The following GALNT6 variants were observed in gnomAD, a reference collection of about 807,000 sequenced individuals.
GALNT6 encodes GalNAc transferase 6.
A neutral mutation model predicts 65.9 loss-of-function variants in GALNT6; 51 were observed. The observed-to-expected ratio is 0.77, with a 90% CI of 0.62 to 0.98. The LOEUF is 0.98. GALNT6 is among the 50% of genes least tolerant of loss of function. The pLI is 0.00. For synonymous variants in GALNT6, 323 were observed against 315.1 expected, an observed-to-expected ratio of 1.02 and a Z score of -0.26; for missense variants, 708 against 803.3, an observed-to-expected ratio of 0.88 and a Z score of 1.43.
At position 51,357,441 on chromosome 12, in the gene GALNT6, G is replaced by A; in HGVS notation, c.1510C>T (p.Leu504Phe). Residue 504 changes from leucine (L) to phenylalanine (F), a missense_variant, in exon 10 of 12, where the codon CTC becomes TTC. Physicochemically the swap from Leu to Phe is conservative, Grantham distance 22 (BLOSUM62 0). Transcript: ENST00000356317. ...TPTFYGAIKN[L>F]GTNQCLDVGE... The stretch of plus-strand genomic sequence containing the variant: ...ACATCCAGGCATTGGTTGGTGCCGA[G>A]GTTCTTGATCTGCAGAAGGGTGAGC... 1 of 1,613,010 alleles carries A rather than the reference G, an allele frequency of 6.2e-7. No individual in the cohort carries two copies. Among genetic ancestry groups the A allele is most frequent in the South Asian group, 1.1e-5 (1 of 91,032 alleles).
intron 4 of GALNT6, among the ~76,000 whole-genome samples, chr12:51,371,054 A>AATTT (rs1555178908): frequency 0.05 from 7,176 of 144,430 alleles, 305 homozygotes; most frequent in East Asian, 0.16. Flanking sequence ...CCTTTTAAAA[A>AATTT]ATTATTATTA....
rs967694488 is a variant in GALNT6 at position 51,353,330 on chromosome 12, T to A, written c.*1049A>T. The stretch of plus-strand genomic sequence containing the variant: ...TTCAGGTAATAATAGCAAGGGAGGA[T>A]CTCTTAGACCTCTGATCTGTCTGTT... On this transcript the variant is annotated 3_prime_UTR_variant, in exon 12 of 12. Transcript: ENST00000356317. The A allele has an allele frequency of 9.9e-5, 15 of 151,860 alleles. No homozygotes were observed. Among genetic ancestry groups the A allele is most frequent in the African/African-American group, 2.9e-4 (12 of 41,304 alleles). 9.4% of individuals were successfully genotyped at this position (151,860 alleles called of 1,614,324 possible).
Position 51,359,256 on chromosome 12 carries a change from T to C in GALNT6, c.1244A>G (p.His415Arg). The change falls in exon 8 of 12, where the codon CAC becomes CGC. Residue 415 changes from histidine to arginine, a missense_variant. His to Arg is a conservative substitution (Grantham distance 29, BLOSUM62 0). Transcript: ENST00000356317. ...VGHVFRTKSP[H>R]TFPKGTSVIA... ...GACACTAGTGCCCTTGGGGAAGGTG[T>C]GGGGGCTCTTGGTCCGGAACACATG... The C allele has an allele frequency of 6.2e-7, 1 of 1,614,012 alleles. No individual in the cohort carries two copies. The highest frequency in any genetic ancestry group is 8.5e-7 in the Non-Finnish European group (1 of 1,179,952).
chr12:51,377,258 G>C lies in GALNT6; in HGVS notation c.601C>G (p.Leu201Val). The C allele has an allele frequency of 1.2e-6, 2 of 1,613,902 alleles. No individual in the cohort carries two copies. Among genetic ancestry groups the C allele is most frequent in the African/African-American group, 2.7e-5 (2 of 75,048 alleles). Residue 201 changes from leucine to valine, a missense_variant, in exon 4 of 12, where the codon CTA (leucine) becomes GTA (valine). Leu to Val is a conservative substitution (Grantham distance 32). Transcript: ENST00000356317. Reference protein sequence around the residue: ...STLLRTVYSVLHTTPAILLKE... With the variant: ...STLLRTVYSVVHTTPAILLKE... ...AGCAAGATGGCAGGGGTGGTGTGTA[G>C]GACGCTGTACACTGTTCGCAGCAGT...
At chr12:51,376,160 C>T (rs541458377) in intron 4 of GALNT6, among the ~76,000 whole-genome samples, 5 of 152,168 alleles carry the variant, frequency 3.3e-5, no homozygotes, top group South Asian at 2.1e-4. Context: ...CCACTGTGCC[C>T]GGTCTGCCCC....
At chr12:51,381,390 T>C (rs1042073927) in intron 2 of GALNT6, among the ~76,000 whole-genome samples, 6 of 152,240 alleles carry the variant, frequency 3.9e-5, no homozygotes, top group Non-Finnish European at 8.8e-5. Flanking sequence ...ATCCATGCCC[T>C]AGAGGATGAA....
At chr12:51,370,708 A>T (rs571118368) in intron 4 of GALNT6, among the ~76,000 whole-genome samples, 19 of 152,230 alleles carry the variant, frequency 1.2e-4, no homozygotes, top group African/African-American at 4.6e-4. Context: ...AGCGTGGAGA[A>T]TTCATGTTTA....
chr12:51,355,016 C>A (rs1946706140), intron 11 of GALNT6, among the ~76,000 whole-genome samples: 2 of 152,200 alleles, frequency 1.3e-5, no homozygotes, highest in South Asian at 4.1e-4. Context: ...TCAGACCCAT[C>A]TGGGGCTAAA....
In GALNT6 at chr12:51,367,466, C is replaced by A. The variant is rs574423949; in HGVS notation, c.665-1887G>T. 3.3e-5 allele frequency among the ~76,000 whole-genome samples: 5 copies of A among 152,282 alleles called. No homozygotes were observed. The South Asian group carries it at 8.3e-4, about 25-fold the overall frequency. ...AAAACAAACGAAGAATAGCTCTATT[C>A]TGAAGCAGTCCATCTTGAAACATAC... On this transcript the variant is annotated intron_variant, in intron 4 of 11. Coordinates refer to ENST00000356317, the MANE Select transcript of GALNT6 (RefSeq NM_007210.4).
At chr12:51,365,697 A>C in intron 4 of GALNT6, 118 bp from the exon 5 acceptor site, 2 of 935,296 alleles carry the variant, frequency 2.1e-6, no homozygotes, top group Non-Finnish European at 3.2e-6. Context: ...AACCCCCAAC[A>C]CCTGCTGTAC....
intron 10 of GALNT6, among the ~76,000 whole-genome samples, chr12:51,356,524 A>C (rs1946753585): frequency 6.8e-6 from 1 of 146,172 alleles, no homozygotes. Flanking sequence ...ACACTCAGCT[A>C]ATTTTTTAAA....
At chr12:51,365,857 T>G (rs1441248444) in intron 4 of GALNT6, among the ~76,000 whole-genome samples, 1 of 152,110 alleles carries the variant, frequency 6.6e-6, no homozygotes, top group African/African-American at 2.4e-5. Context: ...CTGGGCACCC[T>G]CTCTAATGTC....
chr12:51,368,804 G>C (rs1947195402), intron 4 of GALNT6, among the ~76,000 whole-genome samples: 1 of 152,186 alleles, frequency 6.6e-6, no homozygotes, highest in African/African-American at 2.4e-5. Flanking sequence ...TCTGAGGAGG[G>C]GGCTGTATCT....
chr12:51,374,086 C>T (rs1178234851), intron 4 of GALNT6, among the ~76,000 whole-genome samples: 1 of 152,100 alleles, frequency 6.6e-6, no homozygotes, highest in Non-Finnish European at 1.5e-5. Flanking sequence ...TCTTGAACTC[C>T]TGGCCTCAAG....
At chr12:51,357,637 C>G (rs1946792337) in intron 9 of GALNT6, among the ~76,000 whole-genome samples, 187 bp from the exon 10 acceptor site, 1 of 152,204 alleles carries the variant, frequency 6.6e-6, no homozygotes, top group Non-Finnish European at 1.5e-5. Context: ...AAGTGAGCTG[C>G]AGAGCCCCAG....
Position 51,377,344 on chromosome 12 carries a change from C to A in GALNT6, c.515G>T (p.Arg172Leu), listed in dbSNP as rs146516622. The change falls in exon 4 of 12, where the codon CGC (arginine) becomes CTC (leucine). Residue 172 changes from arginine to leucine, a missense_variant. Arg to Leu is a moderately radical substitution (Grantham distance 102). Transcript: ENST00000356317. ...PPECVDQKFR[R>L]CPPLATTSVI... ...GCTGGTGGTGGCCAGTGGGGGGCAG[C>A]GCCGGAACTTCTGGTCCACACACCT... 1 of 1,612,468 alleles carries A rather than the reference C, an allele frequency of 6.2e-7. No homozygotes were observed. Among genetic ancestry groups the A allele is most frequent in the South Asian group, 1.1e-5 (1 of 91,026 alleles).
At chr12:51,365,680 A>G in intron 4 of GALNT6, 101 bp from the exon 5 acceptor site, 1 of 1,209,920 alleles carries the variant, frequency 8.3e-7, no homozygotes, top group South Asian at 1.5e-5. Flanking sequence ...AGCAGGCCTG[A>G]ATTTTAAACC....
At chr12:51,386,743 A>G (rs552520337) in intron 2 of GALNT6, among the ~76,000 whole-genome samples, 1 of 152,112 alleles carries the variant, frequency 6.6e-6, no homozygotes, top group African/African-American at 2.4e-5. Context: ...ATTTCACACT[A>G]CTGTTGGGGG....
At chr12:51,368,100 G>T (rs1402461249) in intron 4 of GALNT6, among the ~76,000 whole-genome samples, 1 of 151,724 alleles carries the variant, frequency 6.6e-6, no homozygotes, top group Non-Finnish European at 1.5e-5. Context: ...TTTCAAGGTG[G>T]TCTCTTGACC....
Sources: gnomAD v4.1 joint callset for allele counts (sites outside exome capture counted in the v4.1 genomes callset) on GRCh38, gnomAD v4.1.1 for gene constraint, MANE v1.5 for transcripts, NCBI Gene and HGNC (gene_info 2026-07-23, HGNC 2026-07-21) for gene names.